The following PPP1R12B variants were observed in gnomAD, a reference collection of about 807,000 sequenced individuals.
The protein encoded by PPP1R12B is protein phosphatase 1 regulatory subunit 12B.
Under a neutral mutation model 126.1 loss-of-function variants are expected in PPP1R12B, and 76 were observed. The ratio of observed to expected loss-of-function variants is 0.60; its 90% confidence interval spans 0.50 to 0.73. PPP1R12B has a LOEUF of 0.73. Among genes scored for constraint, PPP1R12B ranks in the 30% least tolerant of loss-of-function variants. The probability of loss-of-function intolerance (pLI) is 0.00; values close to 1 mark genes in which losing one functional copy is unlikely to be tolerated. For missense variants in PPP1R12B, 1,052 were observed against 1,205.1 expected (o/e 0.87, Z 1.88); for synonymous variants, 356 against 434.7 (o/e 0.82, Z 2.25).
chr1:202,566,114 G>C (rs1415440411), intron 21 of PPP1R12B, among the ~76,000 whole-genome samples: 1 of 152,212 alleles, frequency 6.6e-6, no homozygotes, highest in African/African-American at 2.4e-5. Context: ...ACTCTTCTCA[G>C]CGGAAGCTTC....
At chr1:202,452,058 A>T (rs1341108456) in intron 13 of PPP1R12B, among the ~76,000 whole-genome samples, 1 of 145,574 alleles carries the variant, frequency 6.9e-6, no homozygotes, top group Non-Finnish European at 1.5e-5. Context: ...CGCTCCTCAC[A>T]TCCCAGACGG....
chr1:202,517,419 C>T lies in PPP1R12B; in HGVS notation c.2490+20597C>T, dbSNP rs1043838689. Among the ~76,000 whole-genome samples, 10 of 152,160 alleles carry T rather than the reference C, an allele frequency of 6.6e-5. 1 individual carries two copies. The highest frequency in any genetic ancestry group is 1.9e-4 in the African/African-American group (8 of 41,424). ...TAAGCTGTTCTCAGCTATGTATTTA[C>T]GTTAGTTCCTTAAGTTCCTTCCAGA... On this transcript the variant is annotated intron_variant, in intron 18 of 23. Transcript: ENST00000608999.
In PPP1R12B at chr1:202,580,571, A is replaced by T; in HGVS notation, c.*11A>T. 3 of 1,602,690 alleles carry T rather than the reference A, an allele frequency of 1.9e-6. No homozygotes were observed. The highest frequency in any genetic ancestry group is 2.6e-6 in the Non-Finnish European group (3 of 1,169,544). ...AAACTGTCCAAGTAGGCTAGGCTCC[A>T]GATTTATGAGGAAAGAAAGGGACAG... On this transcript the variant is annotated 3_prime_UTR_variant, in exon 24 of 24. Transcript: ENST00000608999.
At position 202,592,307 on chromosome 1, in the gene PPP1R12B, C is replaced by T. The variant is rs948348191; in HGVS notation, c.*11747C>T. The T allele has an allele frequency of 6.5e-6, 1 of 152,718 alleles. No homozygotes were observed. The highest frequency in any genetic ancestry group is 2.4e-5 in the African/African-American group (1 of 41,470). The allele number at this position is 152,718 out of a possible 1,614,324, so 9.5% of individuals were successfully genotyped here. On this transcript the variant is annotated 3_prime_UTR_variant, in exon 24 of 24. Transcript: ENST00000608999. ...CAGGCCTTCAGGGCGACAGGGTCCTCCAGCATCTCCCAAGGCAGGGCTGGA... is the reference window on the plus strand; with the variant it reads ...CAGGCCTTCAGGGCGACAGGGTCCTTCAGCATCTCCCAAGGCAGGGCTGGA...
intron 13 of PPP1R12B, among the ~76,000 whole-genome samples, chr1:202,457,513 A>T (rs1673784886): frequency 6.6e-6 from 1 of 151,542 alleles, no homozygotes; most frequent in African/African-American, 2.4e-5. Context: ...AGATTGCGCC[A>T]TTGCTCTCCA....
chr1:202,354,741 G>A (rs1166015076), intron 1 of PPP1R12B, among the ~76,000 whole-genome samples: 2 of 151,294 alleles, frequency 1.3e-5, no homozygotes, highest in East Asian at 3.9e-4. Context: ...TCTGCGTCCC[G>A]GGCTCAAGCA....
At chr1:202,362,167 G>A (rs1284894127) in intron 1 of PPP1R12B, among the ~76,000 whole-genome samples, 4 of 151,790 alleles carry the variant, frequency 2.6e-5, no homozygotes, top group African/African-American at 7.3e-5. Flanking sequence ...GCGATGAAAT[G>A]TGACGTTAAA....
At chr1:202,574,080 A>G (rs891782196) in intron 23 of PPP1R12B, among the ~76,000 whole-genome samples, 1 of 151,962 alleles carries the variant, frequency 6.6e-6, no homozygotes, top group Admixed American at 6.6e-5. Flanking sequence ...CTTCCTACAA[A>G]GCAGGTTAGA....
intron 1 of PPP1R12B, among the ~76,000 whole-genome samples, chr1:202,355,447 A>G (rs1350367972): frequency 1.1e-4 from 17 of 152,222 alleles, no homozygotes; most frequent in Admixed American, 1.1e-3. Flanking sequence ...AAACGAAGGC[A>G]GTCCAGGATG....
At chr1:202,422,303 G>A (rs1028079402) in intron 2 of PPP1R12B, among the ~76,000 whole-genome samples, 3 of 152,202 alleles carry the variant, frequency 2.0e-5, no homozygotes, top group Non-Finnish European at 2.9e-5. Flanking sequence ...GTGGCACTGG[G>A]AAAGTTTAAG....
intron 13 of PPP1R12B, among the ~76,000 whole-genome samples, chr1:202,470,905 C>CAAA (rs762680749): frequency 1.1e-5 from 1 of 92,864 alleles, no homozygotes; most frequent in Non-Finnish European, 2.3e-5. Context: ...GACCTCATCT[C>CAAA]AAAAAAAAAA....
At chr1:202,452,427 G>A (rs1173065085) in intron 13 of PPP1R12B, among the ~76,000 whole-genome samples, 2 of 152,228 alleles carry the variant, frequency 1.3e-5, no homozygotes, top group Non-Finnish European at 2.9e-5. Flanking sequence ...GCGTGCGCCT[G>A]CAATCACAGG....
At chr1:202,574,204 CTT>C (rs1688884936) in intron 23 of PPP1R12B, among the ~76,000 whole-genome samples, 1 of 149,920 alleles carries the variant, frequency 6.7e-6, no homozygotes, top group Non-Finnish European at 1.5e-5. Context: ...ATAGGCCTCT[CTT>C]TTATTTTTTA....
intron 13 of PPP1R12B, among the ~76,000 whole-genome samples, chr1:202,455,096 G>C (rs1186835476): frequency 6.6e-6 from 1 of 152,084 alleles, no homozygotes; most frequent in Non-Finnish European, 1.5e-5. Flanking sequence ...AAAGGTACTT[G>C]ATCTTTTGGA....
At chr1:202,388,668 T>G (rs1247946474) in intron 1 of PPP1R12B, among the ~76,000 whole-genome samples, 1 of 152,178 alleles carries the variant, frequency 6.6e-6, no homozygotes, top group African/African-American at 2.4e-5. Context: ...TTGTTAGAAT[T>G]AATATATGAA....
At chr1:202,482,000 T>TC (rs1432645889) in intron 13 of PPP1R12B, among the ~76,000 whole-genome samples, 1 of 152,202 alleles carries the variant, frequency 6.6e-6, no homozygotes, top group Non-Finnish European at 1.5e-5. Context: ...ATTTTTTTTT[T>TC]CTGTGTCTGG....
intron 1 of PPP1R12B, among the ~76,000 whole-genome samples, chr1:202,375,981 T>C (rs1571679591): frequency 2.0e-5 from 3 of 152,228 alleles, no homozygotes; most frequent in Admixed American, 6.5e-5. Context: ...TTCACTGTTA[T>C]GTTAATTGCA....
intron 23 of PPP1R12B, 97 bp downstream of exon 23, chr1:202,569,294 A>G (rs1688362030): frequency 3.3e-6 from 4 of 1,214,926 alleles, no homozygotes; most frequent in Admixed American, 1.9e-5. Flanking sequence ...AGATTTCACT[A>G]CAAACTCAAT....
chr1:202,501,630 T>C (rs1409904115), intron 18 of PPP1R12B, among the ~76,000 whole-genome samples: 1 of 152,180 alleles, frequency 6.6e-6, no homozygotes, highest in East Asian at 1.9e-4. Context: ...TTTGGTATCA[T>C]AGGATTGGAA....
Sources: gnomAD v4.1 joint callset for allele counts (sites outside exome capture counted in the v4.1 genomes callset) on GRCh38, gnomAD v4.1.1 for gene constraint, MANE v1.5 for transcripts, NCBI Gene and HGNC (gene_info 2026-07-23, HGNC 2026-07-21) for gene names.